DHX15: variants seen among roughly 807,000 people sequenced by gnomAD.
The protein encoded by DHX15 is DEAH-box helicase 15.
DHX15 carries 11 observed loss-of-function variants against 94.4 expected under a neutral mutation model. The observed-to-expected ratio is 0.12, with a 90% CI of 0.07 to 0.19. The LOEUF is 0.19. Ranked by LOEUF, DHX15 falls within the 10% of genes least tolerant of loss-of-function variation. The probability of loss-of-function intolerance (pLI) is 1.00; values close to 1 mark genes in which losing one functional copy is unlikely to be tolerated. For synonymous variants in DHX15, 338 were observed against 329.9 expected, an observed-to-expected ratio of 1.02 and a Z score of -0.27; for missense variants, 304 against 988.5, an observed-to-expected ratio of 0.31 and a Z score of 9.29.
Position 24,576,117 on chromosome 4 carries a change from T to C in DHX15, c.507+126A>G, listed in dbSNP as rs1030239085. 4 of 729,826 alleles carry C rather than the reference T, an allele frequency of 5.5e-6. No homozygotes were observed. The African/African-American group carries it at 7.1e-5, about 13-fold the overall frequency. The allele number at this position is 729,826 out of a possible 1,614,324, so 45.2% of individuals were successfully genotyped here. ...TGAAATTCAGAGTGCCAATTAAACA[T>C]CAAATCAGCTATTCTTCAAGATGTT... is the stretch of plus-strand genomic sequence containing the variant. On this transcript the variant is annotated intron_variant, in intron 2 of 13. Transcript: ENST00000336812.
At chr4:24,566,930 T>C (rs1226962568) in intron 3 of DHX15, among the ~76,000 whole-genome samples, 1 of 152,206 alleles carries the variant, frequency 6.6e-6, no homozygotes, top group Non-Finnish European at 1.5e-5. Flanking sequence ...TTAATCACAA[T>C]GTCAAACTTT....
intron 6 of DHX15, among the ~76,000 whole-genome samples, chr4:24,543,722 CAT>C (rs1363311724): frequency 4.6e-5 from 7 of 152,072 alleles, no homozygotes; most frequent in African/African-American, 1.4e-4. Flanking sequence ...CTATATATTA[CAT>C]ATGTTTTAGA....
Position 24,584,059 on chromosome 4 carries a change from G to A in DHX15, c.71+264C>T, listed in dbSNP as rs1291724344. 3 of 505,168 alleles carry A rather than the reference G, an allele frequency of 5.9e-6. No individual in the cohort carries two copies. The African/African-American group carries it at 6.2e-5, about 10-fold the overall frequency. 31.3% of individuals were successfully genotyped at this position (505,168 alleles called of 1,614,324 possible). ...AATGACTCCCGCTCGGTTCGGCCTG[G>A]GGGAGGAGGCGCCCTCATGGCTACT... is the stretch of plus-strand genomic sequence containing the variant. On this transcript the variant is annotated intron_variant, in intron 1 of 13. Coordinates refer to ENST00000336812, the MANE Select transcript of DHX15 (RefSeq NM_001358.3).
intron 3 of DHX15, among the ~76,000 whole-genome samples, chr4:24,562,181 G>A (rs1315487901): frequency 6.8e-6 from 1 of 145,994 alleles, no homozygotes; most frequent in African/African-American, 2.5e-5. Context: ...CCTACAACAT[G>A]CAATTTACCT....
At position 24,576,432 on chromosome 4, in the gene DHX15, T is replaced by A. The variant is rs372478021; in HGVS notation, c.318A>T (p.Ala106=). The A allele has an allele frequency of 1.2e-6, 2 of 1,614,066 alleles. No homozygotes were observed. Among genetic ancestry groups the A allele is most frequent in the Admixed American group, 1.7e-5 (1 of 59,998 alleles). The change falls in exon 2 of 14, where the codon GCA becomes GCT. Residue 106 remains alanine, a synonymous_variant. Transcript: ENST00000336812. Reference sequence around the variant, plus strand: ...TGCACTGTGGAAGTGACGTGTGACCTGCATGTCCGGCATGCGTTGAATGAG... The same window carrying A: ...TGCACTGTGGAAGTGACGTGTGACCAGCATGTCCGGCATGCGTTGAATGAG... The part of the protein sequence containing the change: ...HSAHSTHAGH[A]GHTSLPQCIN...
At chr4:24,552,666 T>C (rs1367210999) in intron 5 of DHX15, among the ~76,000 whole-genome samples, 2 of 152,226 alleles carry the variant, frequency 1.3e-5, no homozygotes, top group Non-Finnish European at 2.9e-5. Flanking sequence ...CCAGCTCTAC[T>C]ACTAAATACA....
chr4:24,576,400 G>A lies in DHX15; in HGVS notation c.350C>T (p.Pro117Leu), dbSNP rs1722266793. 1.9e-6 allele frequency: 3 copies of A among 1,614,142 alleles called. No individual in the cohort carries two copies. Among genetic ancestry groups the A allele is most frequent in the South Asian group, 1.1e-5 (1 of 91,078 alleles). The change falls in exon 2 of 14, where the codon CCG becomes CTG. Residue 117 changes from proline to leucine, a missense_variant. Pro to Leu is a moderately conservative substitution (Grantham distance 98). Coordinates refer to ENST00000336812, the MANE Select transcript of DHX15 (RefSeq NM_001358.3). The part of the protein sequence containing the change: ...GHTSLPQCIN[P>L]FTNLPHTPRY... Reference sequence around the variant, plus strand: ...AGGAGTATGGGGTAAGTTGGTGAACGGATTAATGCACTGTGGAAGTGACGT... The same window carrying A: ...AGGAGTATGGGGTAAGTTGGTGAACAGATTAATGCACTGTGGAAGTGACGT...
intron 1 of DHX15, among the ~76,000 whole-genome samples, chr4:24,579,621 G>C (rs1310095191): frequency 2.6e-5 from 4 of 152,146 alleles, no homozygotes; most frequent in African/African-American, 9.7e-5. Context: ...CCAACTATAG[G>C]ATCACAGTTA....
Position 24,576,304 on chromosome 4 carries a change from A to G in DHX15, c.446T>C (p.Ile149Thr), listed in dbSNP as rs1577351579. ...VWEYKDRFTD[I>T]LVRHQSFVLV... ...TACAAAGGACTGATGTCTAACCAGA[A>G]TATCTGTAAACCTATCCTTGTATTC... Residue 149 changes from isoleucine to threonine, a missense_variant, in exon 2 of 14, where the codon ATT becomes ACT. Physicochemically the swap from Ile to Thr is moderately conservative, Grantham distance 89. Around this residue, in one of 9 missense-constraint regions of DHX15, gnomAD observed 143 missense variants for 200.5 expected, o/e 0.71. Transcript: ENST00000336812. The G allele has an allele frequency of 3.1e-6, 5 of 1,614,120 alleles. No individual in the cohort carries two copies. Among genetic ancestry groups the G allele is most frequent in the African/African-American group, 1.3e-5 (1 of 74,948 alleles).
chr4:24,536,335 G>C (rs1721197024), intron 11 of DHX15, among the ~76,000 whole-genome samples: 1 of 151,938 alleles, frequency 6.6e-6, no homozygotes. Flanking sequence ...AATCAAATCA[G>C]TGTCCACAGA....
intron 1 of DHX15, 101 bp from the exon 2 acceptor site, chr4:24,576,779 T>C: frequency 2.7e-6 from 4 of 1,466,466 alleles, no homozygotes; most frequent in Non-Finnish European, 3.6e-6. Context: ...TTCAAATGAA[T>C]AAAAAGTCCA....
chr4:24,541,360 T>C (rs1173578249), intron 8 of DHX15, among the ~76,000 whole-genome samples: 1 of 152,166 alleles, frequency 6.6e-6, no homozygotes, highest in Non-Finnish European at 1.5e-5. Context: ...CATCTGTTAT[T>C]AGATCAACTT....
intron 3 of DHX15, among the ~76,000 whole-genome samples, chr4:24,559,386 A>AAAAG (rs1485972083): frequency 2.1e-5 from 3 of 144,002 alleles, no homozygotes; most frequent in Non-Finnish European, 4.8e-5. Context: ...AAAAAAAAAA[A>AAAAG]AAAAAAAAAA....
At chr4:24,554,622 C>T in intron 5 of DHX15, 103 bp downstream of exon 5, 2 of 873,694 alleles carry the variant, frequency 2.3e-6, no homozygotes, top group South Asian at 3.3e-5. Flanking sequence ...GGTTGAAGAA[C>T]ATTGAAATAA....
At chr4:24,567,272 C>T (rs921015320) in intron 3 of DHX15, among the ~76,000 whole-genome samples, 4 of 152,170 alleles carry the variant, frequency 2.6e-5, no homozygotes, top group African/African-American at 7.2e-5. Context: ...AAGGTGATTT[C>T]CTGAATTAAA....
intron 6 of DHX15, among the ~76,000 whole-genome samples, chr4:24,543,232 A>G (rs925747800): frequency 5.3e-5 from 8 of 152,104 alleles, no homozygotes; most frequent in Non-Finnish European, 1.0e-4. Context: ...CACAACAGCA[A>G]CTTCTTTCTC....
intron 12 of DHX15, chr4:24,530,098 G>C (rs1014235899): frequency 5.3e-6 from 2 of 377,778 alleles, no homozygotes; most frequent in African/African-American, 2.1e-5. Flanking sequence ...AGTTTTATTA[G>C]AACACAGGCA....
chr4:24,570,552 C>A, intron 3 of DHX15, 102 bp downstream of exon 3: 1 of 1,023,152 alleles, frequency 9.8e-7, no homozygotes, highest in South Asian at 1.6e-5. Flanking sequence ...TTGGATAATT[C>A]TAAATTTGGA....
intron 2 of DHX15, among the ~76,000 whole-genome samples, chr4:24,574,465 A>G (rs1249498909): frequency 6.6e-6 from 1 of 151,962 alleles, no homozygotes; most frequent in African/African-American, 2.4e-5. Context: ...TAATCCAAAT[A>G]ATCACAAACC....
Sources: allele counts gnomAD v4.1 joint callset (sites outside exome capture counted in the v4.1 genomes callset), GRCh38; gene constraint gnomAD v4.1.1; regional missense constraint gnomAD v4.1.1; transcripts MANE v1.5; gene names NCBI Gene and HGNC (gene_info 2026-07-23, HGNC 2026-07-21).